Variants in MMP11 observed in about 807,000 individuals in gnomAD.
The protein encoded by MMP11 is stromelysin-3.
MMP11 carries 26 observed loss-of-function variants against 49.5 expected under a neutral mutation model. The observed-to-expected ratio is 0.52, with a 90% CI of 0.38 to 0.73. MMP11 has a LOEUF of 0.73. MMP11 is among the 30% of genes least tolerant of loss of function. The pLI is 0.00. For synonymous variants in MMP11, 265 were observed against 282.3 expected (o/e 0.94, Z 0.62); for missense variants, 624 against 671.2 (o/e 0.93, Z 0.78).
Position 23,782,487 on chromosome 22 carries a change from C to T in MMP11, c.1333+4C>T, listed in dbSNP as rs369172559. ...GCTGCCTTCCAGGATGCTGATGGTG[C>T]GTTGGGGGTGAGGCAGCTGGTGGGA... On this transcript the variant is annotated splice_donor_region_variant and intron_variant, in intron 7 of 7. Transcript: ENST00000215743. 356 of 1,602,430 alleles carry T rather than the reference C, an allele frequency of 2.2e-4. No individual in the cohort carries two copies. The highest frequency in any genetic ancestry group is 2.9e-4 in the Admixed American group (17 of 59,522).
chr22:23,773,050 G>C lies in MMP11; in HGVS notation c.108+72G>C, dbSNP rs111343485. 42 of 1,121,982 alleles carry C rather than the reference G, an allele frequency of 3.7e-5. 3 individuals are homozygous for C. In the African/African-American group the frequency reaches 5.1e-4, roughly 14 times the overall value. The allele number at this position is 1,121,982 out of a possible 1,614,324, so 69.5% of individuals were successfully genotyped here. A position where few individuals can be genotyped will look rare whatever the true frequency, so the allele number is the denominator to read the frequency against. On this transcript the variant is annotated intron_variant, in intron 1 of 7. Coordinates refer to ENST00000215743, the MANE Select transcript of MMP11 (RefSeq NM_005940.5). ...GGCACGCGGGCTGGGCCCAGCGGCG[G>C]ATCCGGACCGAAGGGGGCGCCCCGG...
In MMP11 at chr22:23,780,906, G is replaced by A. The variant is rs918514473; in HGVS notation, c.664G>A (p.Gly222Arg). The change falls in exon 5 of 8, where the codon GGG becomes AGG. Residue 222 changes from glycine to arginine, a missense_variant. Coordinates refer to ENST00000215743, the MANE Select transcript of MMP11 (RefSeq NM_005940.5). This position sits in a 1 kb window ranked among gnomAD's most constrained non-coding sequence, Gnocchi z 4.6. ...AGCCCATGAATTTGGCCACGTGCTG[G>A]GGCTGCAGCACACAACAGCAGCCAA... ...VAAHEFGHVL[G>R]LQHTTAAKAL... The A allele has an allele frequency of 9.3e-6, 15 of 1,613,946 alleles. No homozygotes were observed. The highest frequency in any genetic ancestry group is 2.2e-5 in the East Asian group (1 of 44,880).
At chr22:23,781,713 G>A in intron 6 of MMP11, 1 of 652,648 alleles carries the variant, frequency 1.5e-6, no homozygotes. Flanking sequence ...GGGGCCCCGA[G>A]GCAGTGAAGT....
In MMP11 at chr22:23,783,641, A is replaced by G; in HGVS notation, c.*97A>G. ...ATCTTTGTGGCTGTGGGCACCAGGCATGGGACTGAGCCCATGTCTCCTCAG... is the reference window on the plus strand; with the variant it reads ...ATCTTTGTGGCTGTGGGCACCAGGCGTGGGACTGAGCCCATGTCTCCTCAG... On this transcript the variant is annotated 3_prime_UTR_variant, in exon 8 of 8. Transcript: ENST00000215743. 6.6e-7 allele frequency: 1 copy of G among 1,523,840 alleles called. No homozygotes were observed. The highest frequency in any genetic ancestry group is 1.4e-5 in the African/African-American group (1 of 73,324). 94.4% of individuals were successfully genotyped at this position (1,523,840 alleles called of 1,614,324 possible).
At position 23,781,400 on chromosome 22, in the gene MMP11, T is replaced by G; in HGVS notation, c.1066T>G (p.Phe356Val). Residue 356 changes from phenylalanine to valine, a missense_variant, in exon 6 of 8, where the codon TTC becomes GTC. By Grantham distance (50) the Phe-to-Val change is conservative (BLOSUM62 -1). Coordinates refer to ENST00000215743, the MANE Select transcript of MMP11 (RefSeq NM_005940.5). Reference protein sequence around the residue: ...AFEDAQGHIWFFQGAQYWVYD... With the variant: ...AFEDAQGHIWVFQGAQYWVYD... The stretch of plus-strand genomic sequence containing the variant: ...CGAGGATGCCCAGGGCCACATTTGG[T>G]TCTTCCAAGGTGAGTGGGGGTTGGG... 6.2e-7 allele frequency: 1 copy of G among 1,602,988 alleles called. No individual in the cohort carries two copies. Among genetic ancestry groups the G allele is most frequent in the Non-Finnish European group, 8.5e-7 (1 of 1,174,692 alleles).
At chr22:23,777,087 G>A (rs149518905) in intron 1 of MMP11, among the ~76,000 whole-genome samples, 4,413 of 148,336 alleles carry the variant, frequency 0.03, 119 homozygotes, top group East Asian at 0.12. Context: ...GATTACAGGC[G>A]TGAGCCACCA....
At chr22:23,774,548 G>A (rs922813491) in intron 1 of MMP11, among the ~76,000 whole-genome samples, 3 of 152,070 alleles carry the variant, frequency 2.0e-5, no homozygotes, top group Admixed American at 2.0e-4. Flanking sequence ...GTCCCTCCTG[G>A]AGCCAGCAGC....
At position 23,772,875 on chromosome 22, in the gene MMP11, C is replaced by T. The variant is rs1345948587; in HGVS notation, c.5C>T (p.Ala2Val). The T allele has an allele frequency of 3.5e-6, 4 of 1,158,314 alleles. No homozygotes were observed. Among genetic ancestry groups the T allele is most frequent in the Non-Finnish European group, 4.3e-6 (4 of 941,144 alleles). 71.8% of individuals were successfully genotyped at this position (1,158,314 alleles called of 1,614,324 possible). A position where few individuals can be genotyped will look rare whatever the true frequency, so the allele number is the denominator to read the frequency against. Reference sequence around the variant, plus strand: ...AGCCCAGCAGCCCCGGGGCGGATGGCTCCGGCCGCCTGGCTCCGCAGCGCG... The same window carrying T: ...AGCCCAGCAGCCCCGGGGCGGATGGTTCCGGCCGCCTGGCTCCGCAGCGCG... The part of the protein sequence containing the change: M[A>V]PAAWLRSAAA... Residue 2 changes from alanine to valine, a missense_variant, in exon 1 of 8, where the codon GCT becomes GTT. By Grantham distance (64) the Ala-to-Val change is moderately conservative. Coordinates refer to ENST00000215743, the MANE Select transcript of MMP11 (RefSeq NM_005940.5).
In MMP11 at chr22:23,772,896, G is replaced by C; in HGVS notation, c.26G>C (p.Ser9Thr). The C allele has an allele frequency of 8.6e-7, 1 of 1,168,688 alleles. No individual in the cohort carries two copies. Among genetic ancestry groups the C allele is most frequent in the Non-Finnish European group, 1.1e-6 (1 of 947,688 alleles). 72.4% of individuals were successfully genotyped at this position (1,168,688 alleles called of 1,614,324 possible). A position where few individuals can be genotyped will look rare whatever the true frequency, so the allele number is the denominator to read the frequency against. MAPAAWLR[S>T]AAARALLPPM... The stretch of plus-strand genomic sequence containing the variant: ...ATGGCTCCGGCCGCCTGGCTCCGCA[G>C]CGCGGCCGCGCGCGCCCTCCTGCCC... Residue 9 changes from serine (S) to threonine (T), a missense_variant, in exon 1 of 8, where the codon AGC becomes ACC. By Grantham distance (58) the Ser-to-Thr change is moderately conservative (BLOSUM62 1). Transcript: ENST00000215743.
intron 2 of MMP11, 183 bp downstream of exon 2, chr22:23,779,599 C>A: frequency 1.6e-6 from 1 of 606,768 alleles, no homozygotes; most frequent in South Asian, 2.1e-5. Flanking sequence ...AACTTAGACA[C>A]ATACACATAT....
chr22:23,779,544 C>G lies in MMP11; in HGVS notation c.338+128C>G. The G allele has an allele frequency of 5.9e-6, 5 of 847,424 alleles. No individual in the cohort carries two copies. In the South Asian group the frequency reaches 8.8e-5, roughly 15 times the overall value. The allele number at this position is 847,424 out of a possible 1,614,324, so 52.5% of individuals were successfully genotyped here. ...CGTGTCTAACAGACCTGTGTGTCCA[C>G]TGAACCCCAGGGAGGTCATCTATGG... On this transcript the variant is annotated intron_variant, in intron 2 of 7. Coordinates refer to ENST00000215743, the MANE Select transcript of MMP11 (RefSeq NM_005940.5).
chr22:23,775,255 A>G (rs1006852012), intron 1 of MMP11, among the ~76,000 whole-genome samples: 2 of 152,178 alleles, frequency 1.3e-5, no homozygotes, highest in African/African-American at 2.4e-5. Context: ...GCTCTGTCTC[A>G]TCCTCTGGGA....
At chr22:23,775,273 G>A (rs1927372041) in intron 1 of MMP11, among the ~76,000 whole-genome samples, 1 of 152,212 alleles carries the variant, frequency 6.6e-6, no homozygotes, top group African/African-American at 2.4e-5. Context: ...GGAAATGGGG[G>A]AGCTGCTTCT....
chr22:23,781,209 A>G lies in MMP11; in HGVS notation c.875A>G (p.Asp292Gly). 6.2e-7 allele frequency: 1 copy of G among 1,611,664 alleles called. No homozygotes were observed. The highest frequency in any genetic ancestry group is 8.5e-7 in the Non-Finnish European group (1 of 1,179,992). Residue 292 changes from aspartate (D) to glycine (G), a missense_variant, in exon 6 of 8, where the codon GAT becomes GGT. Coordinates refer to ENST00000215743, the MANE Select transcript of MMP11 (RefSeq NM_005940.5). ...CCACCCCAGCCAGACGCCCCGCCAGATGCCTGTGAGGCCTCCTTTGACGCG... is the reference window on the plus strand; with the variant it reads ...CCACCCCAGCCAGACGCCCCGCCAGGTGCCTGTGAGGCCTCCTTTGACGCG... ...IAPLEPDAPP[D>G]ACEASFDAVS...
intron 7 of MMP11, among the ~76,000 whole-genome samples, chr22:23,783,145 A>C (rs1384428443): frequency 6.6e-6 from 1 of 152,136 alleles, no homozygotes; most frequent in African/African-American, 2.4e-5. Flanking sequence ...CTTTCCTGAG[A>C]GGTGGGACTC....
At chr22:23,782,196 C>A (rs1216751122) in intron 6 of MMP11, 30 bp from the exon 7 acceptor site, 13 of 1,593,308 alleles carry the variant, frequency 8.2e-6, no homozygotes, top group Non-Finnish European at 1.1e-5. Flanking sequence ...GGTGGCTGGG[C>A]AGGTCCTTGC....
Position 23,780,079 on chromosome 22 carries a change from T to C in MMP11, c.339-280T>C. 4.1e-6 allele frequency: 2 copies of C among 488,922 alleles called. No homozygotes were observed. The highest frequency in any genetic ancestry group is 2.8e-5 in the South Asian group (1 of 35,978). The allele number at this position is 488,922 out of a possible 1,614,324, so 30.3% of individuals were successfully genotyped here. On this transcript the variant is annotated intron_variant, in intron 2 of 7. Transcript: ENST00000215743. This position sits in a 1 kb window ranked among gnomAD's most constrained non-coding sequence, Gnocchi z 4.6. ...TCAAGGAACCAAGGTGTCCCCACAGTAAGTGGCACTGTCAGGTCTAGGATG... is the reference window on the plus strand; with the variant it reads ...TCAAGGAACCAAGGTGTCCCCACAGCAAGTGGCACTGTCAGGTCTAGGATG...
chr22:23,776,921 C>G (rs1927430009), intron 1 of MMP11, among the ~76,000 whole-genome samples: 1 of 151,642 alleles, frequency 6.6e-6, no homozygotes, highest in African/African-American at 2.4e-5. Flanking sequence ...CATTCTCCTG[C>G]CTCAGCCTCC....
At position 23,775,423 on chromosome 22, in the gene MMP11, G is replaced by A. The variant is rs116075914; in HGVS notation, c.108+2445G>A. ...AAGCTGCTTCATGCCGTGCCTTGTA[G>A]TTAGGGCATCTGGCCCCAGGCCAGA... On this transcript the variant is annotated intron_variant, in intron 1 of 7. Transcript: ENST00000215743. 5.2e-3 allele frequency among the ~76,000 whole-genome samples: 793 copies of A among 152,338 alleles called. 4 individuals carry two copies. Among genetic ancestry groups the A allele is most frequent in the African/African-American group, 0.018 (748 of 41,572 alleles).
Sources: allele counts gnomAD v4.1 joint callset (sites outside exome capture counted in the v4.1 genomes callset), GRCh38; gene constraint gnomAD v4.1.1; non-coding constraint Gnocchi (gnomAD v3.1); transcripts MANE v1.5; gene names NCBI Gene and HGNC (gene_info 2026-07-23, HGNC 2026-07-21).